The following APBA1 variants were observed in gnomAD, a reference collection of about 807,000 sequenced individuals.
APBA1 encodes the protein amyloid beta precursor protein binding family A member 1, also known as amyloid-beta A4 precursor protein-binding family A member 1.
APBA1 carries 55 observed loss-of-function variants against 86.6 expected under a neutral mutation model. That is an observed-to-expected ratio of 0.64 (90% CI 0.51 to 0.80). The LOEUF is 0.80. APBA1 is among the 30% of genes least tolerant of loss of function. APBA1 has a pLI of 0.00. For missense variants in APBA1, 1,090 were observed against 1,183.0 expected (o/e 0.92, Z 1.15); for synonymous variants, 511 against 493.9 (o/e 1.03, Z -0.46).
intron 10 of APBA1, among the ~76,000 whole-genome samples, chr9:69,443,102 A>C (rs1834851845): frequency 6.6e-6 from 1 of 152,206 alleles, no homozygotes; most frequent in African/African-American, 2.4e-5. Flanking sequence ...CTTGGCCAGC[A>C]GGTGTACACC....
chr9:69,513,938 C>G (rs191637656), intron 2 of APBA1, among the ~76,000 whole-genome samples: 17 of 152,306 alleles, frequency 1.1e-4, no homozygotes, highest in Non-Finnish European at 1.8e-4. Context: ...GCTCTTGACC[C>G]TTATCTTACT....
chr9:69,586,118 G>T (rs770201908), intron 1 of APBA1, among the ~76,000 whole-genome samples: 1 of 152,158 alleles, frequency 6.6e-6, no homozygotes, highest in Non-Finnish European at 1.5e-5. Flanking sequence ...GGGGCAAGCA[G>T]CTAGAGCCAT....
intron 1 of APBA1, among the ~76,000 whole-genome samples, chr9:69,518,982 G>GAGATGAAC (rs1335099841): frequency 6.6e-6 from 1 of 152,170 alleles, no homozygotes; most frequent in Non-Finnish European, 1.5e-5. Context: ...TAGAAGAAAA[G>GAGATGAAC]AATCACGGTT....
intron 1 of APBA1, among the ~76,000 whole-genome samples, chr9:69,573,002 T>C (rs780831758): frequency 2.0e-5 from 3 of 152,082 alleles, no homozygotes; most frequent in Admixed American, 6.6e-5. Context: ...TTTTTAAGAA[T>C]ACAAAAAATT....
At chr9:69,610,005 T>C (rs909747219) in intron 1 of APBA1, among the ~76,000 whole-genome samples, 12 of 152,186 alleles carry the variant, frequency 7.9e-5, no homozygotes, top group African/African-American at 2.9e-4. Context: ...TCCGATCTGA[T>C]TATAAGGCCA....
intron 2 of APBA1, among the ~76,000 whole-genome samples, chr9:69,495,842 A>C (rs1835785994): frequency 6.6e-6 from 1 of 152,050 alleles, no homozygotes; most frequent in South Asian, 2.1e-4. Context: ...GCACCTGGGC[A>C]TGTGGTGCGA....
At chr9:69,454,894 C>T (rs1411967623) in intron 8 of APBA1, among the ~76,000 whole-genome samples, 2 of 152,154 alleles carry the variant, frequency 1.3e-5, no homozygotes, top group South Asian at 2.1e-4. Context: ...TGCATGTTGG[C>T]CTCAGCTTTA....
chr9:69,614,328 A>T (rs2133984437), intron 1 of APBA1, among the ~76,000 whole-genome samples: 1 of 152,286 alleles, frequency 6.6e-6, no homozygotes, highest in African/African-American at 2.4e-5. Context: ...TGCTTCTCTC[A>T]TCTTGTGGAG....
At chr9:69,667,132 C>T (rs1363230622) in intron 1 of APBA1, among the ~76,000 whole-genome samples, 1 of 152,158 alleles carries the variant, frequency 6.6e-6, no homozygotes, top group Non-Finnish European at 1.5e-5. Flanking sequence ...TAAAATTTAG[C>T]TCAGATCTCT....
chr9:69,531,132 ATAGTGTATCTTACAC>A lies in APBA1; in HGVS notation c.-69-13868_-69-13854del, dbSNP rs556889067. ...TCTTCCTACAAGGTCATCAAAATCC[ATAGTGTATCTTACAC>A]TAGAGCACATATCAATTTGGACTAG... is the stretch of plus-strand genomic sequence containing the variant. On this transcript the variant is annotated intron_variant, in intron 1 of 12. Coordinates refer to ENST00000265381, the MANE Select transcript of APBA1 (RefSeq NM_001163.4). 2.6e-4 allele frequency among the ~76,000 whole-genome samples: 39 copies of A among 152,336 alleles called. 1 individual carries two copies. In the South Asian group the frequency reaches 7.5e-3, roughly 29 times the overall value.
chr9:69,663,584 TG>T (rs1263277974), intron 1 of APBA1, among the ~76,000 whole-genome samples: 1 of 152,240 alleles, frequency 6.6e-6, no homozygotes, highest in Non-Finnish European at 1.5e-5. Context: ...AATGCAGAAT[TG>T]ATCTCGAGAT....
At chr9:69,631,986 AT>A (rs1052606582) in intron 1 of APBA1, among the ~76,000 whole-genome samples, 17 of 152,202 alleles carry the variant, frequency 1.1e-4, no homozygotes, top group Non-Finnish European at 2.2e-4. Flanking sequence ...AACATGGCAC[AT>A]GTATACATAT....
chr9:69,616,972 C>G (rs1175085857), intron 1 of APBA1, among the ~76,000 whole-genome samples: 1 of 152,134 alleles, frequency 6.6e-6, no homozygotes. Flanking sequence ...ATAACAAGAA[C>G]TATCACAAAA....
intron 8 of APBA1, among the ~76,000 whole-genome samples, chr9:69,453,481 A>G (rs921899977): frequency 2.0e-5 from 3 of 152,230 alleles, no homozygotes; most frequent in African/African-American, 7.2e-5. Context: ...GCCAAGAGCA[A>G]CTGAGCACTT....
intron 1 of APBA1, among the ~76,000 whole-genome samples, chr9:69,617,459 T>C (rs896996481): frequency 4.6e-5 from 7 of 152,074 alleles, no homozygotes; most frequent in Non-Finnish European, 5.9e-5. Flanking sequence ...GCAAATCTAG[T>C]AGAATGTGTG....
Position 69,456,907 on chromosome 9 carries a change from A to G in APBA1, c.1602+146T>C. The G allele has an allele frequency of 4.7e-6, 3 of 633,352 alleles. No homozygotes were observed. In the East Asian group the frequency reaches 8.2e-5, roughly 17 times the overall value. The allele number at this position is 633,352 out of a possible 1,614,324, so 39.2% of individuals were successfully genotyped here. A position where few individuals can be genotyped will look rare whatever the true frequency, so the allele number is the denominator to read the frequency against. On this transcript the variant is annotated intron_variant, in intron 7 of 12. Coordinates refer to ENST00000265381, the MANE Select transcript of APBA1 (RefSeq NM_001163.4). ...TCCCAAACCCCACCCAGCAGCAGGC[A>G]CTGTGAACACCACCTTCTAGCTCAC...
At chr9:69,627,847 A>G (rs2133995304) in intron 1 of APBA1, among the ~76,000 whole-genome samples, 1 of 152,258 alleles carries the variant, frequency 6.6e-6, no homozygotes, top group South Asian at 2.1e-4. Flanking sequence ...CATTAACTAT[A>G]TTAAAAGGTG....
intron 1 of APBA1, among the ~76,000 whole-genome samples, chr9:69,629,290 A>C (rs1458320613): frequency 6.6e-6 from 1 of 152,204 alleles, no homozygotes; most frequent in Non-Finnish European, 1.5e-5. Context: ...TTATGATTAG[A>C]CAGCTGATGT....
Position 69,576,419 on chromosome 9 carries a change from C to T in APBA1, c.-69-59140G>A, listed in dbSNP as rs564045435. On this transcript the variant is annotated intron_variant, in intron 1 of 12. Coordinates refer to ENST00000265381, the MANE Select transcript of APBA1 (RefSeq NM_001163.4). Reference sequence around the variant, plus strand: ...GACACATGCACACTTATGTTTATTGCGGCACTATTCACAATAGCAAAGACT... The same window carrying T: ...GACACATGCACACTTATGTTTATTGTGGCACTATTCACAATAGCAAAGACT... Among the ~76,000 whole-genome samples, 1,241 of 152,256 alleles carry T rather than the reference C, an allele frequency of 8.2e-3. 14 individuals are homozygous for T. The highest frequency in any genetic ancestry group is 0.028 in the African/African-American group (1,164 of 41,542).
Sources: allele counts gnomAD v4.1 joint callset (sites outside exome capture counted in the v4.1 genomes callset), GRCh38; gene constraint gnomAD v4.1.1; transcripts MANE v1.5; gene names NCBI Gene and HGNC (gene_info 2026-07-23, HGNC 2026-07-21).